ABLIM2: variants seen among roughly 807,000 people sequenced by gnomAD.
ABLIM2 encodes the protein actin binding LIM protein family member 2, also known as actin-binding LIM protein 2.
A neutral mutation model predicts 97.7 loss-of-function variants in ABLIM2; 53 were observed. That is an observed-to-expected ratio of 0.54 (90% CI 0.44 to 0.68). The LOEUF (loss-of-function observed/expected upper bound fraction) is 0.68. ABLIM2 is among the 30% of genes least tolerant of loss of function. The pLI is 0.00. For missense variants in ABLIM2, 835 were observed against 867.2 expected, an observed-to-expected ratio of 0.96 and a Z score of 0.47; for synonymous variants, 361 against 345.8, an observed-to-expected ratio of 1.04 and a Z score of -0.49.
chr4:8,129,833 C>T (rs1454931516), intron 1 of ABLIM2, among the ~76,000 whole-genome samples: 1 of 152,176 alleles, frequency 6.6e-6, no homozygotes, highest in South Asian at 2.1e-4. Flanking sequence ...CCACCCCCTC[C>T]CCGCCATTGT....
At chr4:8,037,340 G>GCACACACA (rs10670906) in intron 9 of ABLIM2, among the ~76,000 whole-genome samples, 40 of 140,970 alleles carry the variant, frequency 2.8e-4, no homozygotes, top group African/African-American at 1.0e-3. Flanking sequence ...ACACATGCAG[G>GCACACACA]CACACACACA....
At chr4:8,153,721 G>C (rs545949135) in intron 1 of ABLIM2, among the ~76,000 whole-genome samples, 133 of 152,322 alleles carry the variant, frequency 8.7e-4, no homozygotes, top group East Asian at 2.9e-3. Flanking sequence ...GGCAGAGTGT[G>C]CTCTCTTCTT....
chr4:8,100,945 C>T (rs1043514454), intron 2 of ABLIM2, among the ~76,000 whole-genome samples: 1 of 152,010 alleles, frequency 6.6e-6, no homozygotes, highest in African/African-American at 2.4e-5. Context: ...AGGAAAGTGC[C>T]CACACACTAA....
At chr4:8,118,371 G>A (rs1383862351) in intron 1 of ABLIM2, among the ~76,000 whole-genome samples, 1 of 152,196 alleles carries the variant, frequency 6.6e-6, no homozygotes, top group African/African-American at 2.4e-5. Context: ...TTGTAGGGAG[G>A]CCTCTGTCTT....
At chr4:7,990,241 C>A (rs1204989244) in intron 17 of ABLIM2, among the ~76,000 whole-genome samples, 1 of 152,042 alleles carries the variant, frequency 6.6e-6, no homozygotes, top group African/African-American at 2.4e-5. Context: ...GCTCTGTCAC[C>A]CAGGCTGGAG....
rs1441030782 is a variant in ABLIM2, at chr4:7,996,143, T to C, written c.1619-3216A>G. Among the ~76,000 whole-genome samples, 1 of 152,128 alleles carries C rather than the reference T, an allele frequency of 6.6e-6. No homozygotes were observed. Among genetic ancestry groups the C allele is most frequent in the African/African-American group, 2.4e-5 (1 of 41,422 alleles). On this transcript the variant is annotated intron_variant, in intron 16 of 20. Coordinates refer to ENST00000447017, the MANE Select transcript of ABLIM2 (RefSeq NM_001130083.2). This position sits in a 1 kb window ranked among gnomAD's most constrained non-coding sequence, Gnocchi z 4.5. The stretch of plus-strand genomic sequence containing the variant: ...TAGAGGGGTGGTTCTCAAACTGGCA[T>C]CCCCAGCTAGCAGCCCCAACCTTGC...
chr4:7,976,836 TGCAC>T (rs1733666513), intron 20 of ABLIM2, among the ~76,000 whole-genome samples: 1 of 151,794 alleles, frequency 6.6e-6, no homozygotes, highest in East Asian at 1.9e-4. Context: ...CATACACACA[TGCAC>T]ACACATATAC....
intron 1 of ABLIM2, among the ~76,000 whole-genome samples, chr4:8,153,219 G>T (rs971090756): frequency 6.6e-6 from 1 of 152,172 alleles, no homozygotes; most frequent in Admixed American, 6.5e-5. Flanking sequence ...CCCAGGGTGC[G>T]GGCCAGGCAG....
rs976739343 is a variant in ABLIM2, at chr4:8,054,730, G to A, written c.764-484C>T. Among the ~76,000 whole-genome samples, 3 of 152,180 alleles carry A rather than the reference G, an allele frequency of 2.0e-5. No individual in the cohort carries two copies. Among genetic ancestry groups the A allele is most frequent in the Non-Finnish European group, 4.4e-5 (3 of 68,028 alleles). Reference sequence around the variant, plus strand: ...TTGGGGAGGAGGACTTGCAGGGCAGGGCTCTAAGCTGAGAGGTAGGAAGAG... The same window carrying A: ...TTGGGGAGGAGGACTTGCAGGGCAGAGCTCTAAGCTGAGAGGTAGGAAGAG... On this transcript the variant is annotated intron_variant, in intron 7 of 20. Coordinates refer to ENST00000447017, the MANE Select transcript of ABLIM2 (RefSeq NM_001130083.2). This position sits in a 1 kb window ranked among gnomAD's most constrained non-coding sequence, Gnocchi z 4.9.
intron 20 of ABLIM2, among the ~76,000 whole-genome samples, chr4:7,974,606 A>ATCCATCC (rs1560339727): frequency 0.012 from 12 of 1,042 alleles, no homozygotes; most frequent in African/African-American, 0.029. Flanking sequence ...CCTACCATCC[A>ATCCATCC]ATCCATCCAT....
chr4:8,033,375 C>A lies in ABLIM2; in HGVS notation c.1047+2774G>T, dbSNP rs4696734. Among the ~76,000 whole-genome samples, 55,183 of 152,064 alleles carry A rather than the reference C, an allele frequency of 0.36. 10,337 individuals carry two copies. Among genetic ancestry groups the A allele is most frequent in the African/African-American group, 0.47 (19,358 of 41,488 alleles). ...CAATAACTCGACGGCCTCTGGGAGG[C>A]TGCCACGGGCCCTGTGAAGCCCTGT... On this transcript the variant is annotated intron_variant, in intron 10 of 20. Coordinates refer to ENST00000447017, the MANE Select transcript of ABLIM2 (RefSeq NM_001130083.2). The surrounding 1 kb of genome is among the most constrained non-coding windows in gnomAD (Gnocchi z 4.5).
In ABLIM2 at chr4:7,978,497, G is replaced by C. The variant is rs961338585; in HGVS notation, c.1824+4767C>G. Among the ~76,000 whole-genome samples the C allele has an allele frequency of 2.0e-5, 3 of 152,192 alleles. 1 individual carries two copies. Among genetic ancestry groups the C allele is most frequent in the Admixed American group, 2.0e-4 (3 of 15,284 alleles). ...CCTGTCAAGCATACTACAGTTCCAA[G>C]AGGGTTGCTGTGAGTCCCAACAGGC... On this transcript the variant is annotated intron_variant, in intron 20 of 20. Coordinates refer to ENST00000447017, the MANE Select transcript of ABLIM2 (RefSeq NM_001130083.2).
intron 10 of ABLIM2, among the ~76,000 whole-genome samples, chr4:8,035,001 C>A (rs1259126254): frequency 2.4e-5 from 1 of 41,852 alleles, no homozygotes; most frequent in Non-Finnish European, 4.4e-5. Flanking sequence ...TAGGTCAGTG[C>A]GGGTGGGTGG....
chr4:8,112,772 G>A lies in ABLIM2; in HGVS notation c.11-6135C>T, dbSNP rs184910946. Among the ~76,000 whole-genome samples, 31 of 152,292 alleles carry A rather than the reference G, an allele frequency of 2.0e-4. No homozygotes were observed. Among genetic ancestry groups the A allele is most frequent in the African/African-American group, 6.5e-4 (27 of 41,570 alleles). ...CAGTCATCCTCATCTCACGGATGAG[G>A]ATGCCAAGGCTAGGAGATGGTCACA... On this transcript the variant is annotated intron_variant, in intron 1 of 20. Transcript: ENST00000447017. The surrounding 1 kb of genome is among the most constrained non-coding windows in gnomAD (Gnocchi z 4.2).
rs527623548 is a variant in ABLIM2, at chr4:8,102,993, C to T, written c.154+3501G>A. Among the ~76,000 whole-genome samples the T allele has an allele frequency of 2.0e-4, 30 of 152,350 alleles. No homozygotes were observed. The South Asian group carries it at 2.1e-3, about 11-fold the overall frequency. On this transcript the variant is annotated intron_variant, in intron 2 of 20. Coordinates refer to ENST00000447017, the MANE Select transcript of ABLIM2 (RefSeq NM_001130083.2). ...CGAGGAGACAGGCTTTGCCTGTGCACATCTCCAGGCTGCATGCCATGCGGT... is the reference window on the plus strand; with the variant it reads ...CGAGGAGACAGGCTTTGCCTGTGCATATCTCCAGGCTGCATGCCATGCGGT...
In ABLIM2 at chr4:8,004,717, A is replaced by T. The variant is rs1054343549; in HGVS notation, c.1618+3342T>A. 6.6e-6 allele frequency among the ~76,000 whole-genome samples: 1 copy of T among 152,124 alleles called. No individual in the cohort carries two copies. Among genetic ancestry groups the T allele is most frequent in the Non-Finnish European group, 1.5e-5 (1 of 68,020 alleles). ...AAGGCAGCGAGTCTTGTTCTAGAAA[A>T]CTTCCTATAACATAAAATCAATAGC... On this transcript the variant is annotated intron_variant, in intron 16 of 20. Transcript: ENST00000447017. The surrounding 1 kb of genome is among the most constrained non-coding windows in gnomAD (Gnocchi z 5.9).
In ABLIM2 at chr4:8,112,293, C is replaced by T. The variant is rs570897074; in HGVS notation, c.11-5656G>A. On this transcript the variant is annotated intron_variant, in intron 1 of 20. Transcript: ENST00000447017. The surrounding 1 kb of genome is among the most constrained non-coding windows in gnomAD (Gnocchi z 4.2). The stretch of plus-strand genomic sequence containing the variant: ...AGCCAGAATGGGAGCCAGCAGGGTC[C>T]GGTTTGGACCCACCATCCAGGGGCA... Among the ~76,000 whole-genome samples, 12 of 152,330 alleles carry T rather than the reference C, an allele frequency of 7.9e-5. No individual in the cohort carries two copies. The highest frequency in any genetic ancestry group is 4.1e-4 in the South Asian group (2 of 4,824).
intron 8 of ABLIM2, among the ~76,000 whole-genome samples, chr4:8,047,005 G>A (rs2151809376): frequency 6.6e-6 from 1 of 152,278 alleles, no homozygotes; most frequent in East Asian, 1.9e-4. Flanking sequence ...CCTTTATCGG[G>A]GAAGCCCCAG....
chr4:8,136,599 C>T (rs1440832065), intron 1 of ABLIM2, among the ~76,000 whole-genome samples: 1 of 152,234 alleles, frequency 6.6e-6, no homozygotes, highest in African/African-American at 2.4e-5. Flanking sequence ...TGTCAGTGGC[C>T]TGTTGCCCAC....
Sources: allele counts gnomAD v4.1 joint callset (sites outside exome capture counted in the v4.1 genomes callset), GRCh38; gene constraint gnomAD v4.1.1; non-coding constraint Gnocchi (gnomAD v3.1); transcripts MANE v1.5; gene names NCBI Gene and HGNC (gene_info 2026-07-23, HGNC 2026-07-21).